GALNT13: variants seen among roughly 807,000 people sequenced by gnomAD.
GALNT13 encodes UDP-GalNAc:polypeptide N-acetylgalactosaminyltransferase 13.
Under a neutral mutation model 64.2 loss-of-function variants are expected in GALNT13, and 28 were observed. That is an observed-to-expected ratio of 0.44 (90% CI 0.32 to 0.60). GALNT13 has a LOEUF of 0.60. GALNT13 is among the 20% of genes least tolerant of loss of function. The probability of loss-of-function intolerance (pLI) is 0.05; values close to 1 mark genes in which losing one functional copy is unlikely to be tolerated. For synonymous variants in GALNT13, 214 were observed against 224.6 expected (o/e 0.95, Z 0.42); for missense variants, 577 against 669.8 (o/e 0.86, Z 1.53).
the GALNT13 span, among the ~76,000 whole-genome samples, chr2:153,438,659 C>T: frequency 6.6e-6 from 1 of 152,170 alleles, no homozygotes; most frequent in African/African-American, 2.4e-5. Flanking sequence ...GTTCTCGTGC[C>T]ATGGTTTTCA....
In GALNT13 at chr2:154,354,964, G is replaced by C. The variant is rs920987980; in HGVS notation, c.1157-41027G>C. Among the ~76,000 whole-genome samples, 10 of 152,004 alleles carry C rather than the reference G, an allele frequency of 6.6e-5. No individual in the cohort carries two copies. The East Asian group carries it at 1.9e-3, about 29-fold the overall frequency. ...TAACTTTCTACCTGACTGGATTTCT[G>C]CCATTGCCTGCCATAACCCTTCCCA... On this transcript the variant is annotated intron_variant, in intron 9 of 12. Coordinates refer to ENST00000392825, the MANE Select transcript of GALNT13 (RefSeq NM_052917.4).
chr2:153,610,959 A>C, the GALNT13 span, among the ~76,000 whole-genome samples: 1 of 152,208 alleles, frequency 6.6e-6, no homozygotes, highest in Non-Finnish European at 1.5e-5. Context: ...ATTAAAATAA[A>C]GGTAAAATTA....
chr2:154,201,706 A>G (rs1045166395), intron 4 of GALNT13, among the ~76,000 whole-genome samples: 2 of 152,030 alleles, frequency 1.3e-5, no homozygotes, highest in Non-Finnish European at 2.9e-5. Flanking sequence ...TTTTGTTTTG[A>G]TAATGGTAAG....
the GALNT13 span, among the ~76,000 whole-genome samples, chr2:153,377,399 T>A: frequency 2.0e-5 from 3 of 152,034 alleles, no homozygotes; most frequent in Non-Finnish European, 1.5e-5. Flanking sequence ...GTGGTGGTGC[T>A]AGGGGGTGGG....
the GALNT13 span, among the ~76,000 whole-genome samples, chr2:153,105,965 A>C: frequency 6.6e-6 from 1 of 152,066 alleles, no homozygotes; most frequent in African/African-American, 2.4e-5. Flanking sequence ...TGTTGCTTTC[A>C]GTGATTAACC....
the GALNT13 span, among the ~76,000 whole-genome samples, chr2:153,473,045 G>A: frequency 6.6e-6 from 1 of 152,040 alleles, no homozygotes; most frequent in Non-Finnish European, 1.5e-5. Context: ...CGGGTGGGGG[G>A]CTAGGGGAGG....
intron 1 of GALNT13, among the ~76,000 whole-genome samples, chr2:153,883,604 G>A (rs1266523888): frequency 6.6e-6 from 1 of 152,072 alleles, no homozygotes; most frequent in Non-Finnish European, 1.5e-5. Flanking sequence ...AAGTAGTCCA[G>A]GAAGGTGAAC....
intron 4 of GALNT13, among the ~76,000 whole-genome samples, chr2:154,141,403 A>G (rs534694798): frequency 1.3e-5 from 2 of 152,280 alleles, no homozygotes; most frequent in African/African-American, 4.8e-5. Flanking sequence ...AGCATACTAT[A>G]CAGCTGTAAA....
chr2:154,156,593 A>G (rs1306403782), intron 4 of GALNT13, among the ~76,000 whole-genome samples: 9 of 152,186 alleles, frequency 5.9e-5, no homozygotes, highest in East Asian at 5.8e-4. Context: ...ATTTGTTTAT[A>G]GATTAGGAAA....
At chr2:153,933,006 T>C (rs1181174540) in intron 2 of GALNT13, among the ~76,000 whole-genome samples, 1 of 152,204 alleles carries the variant, frequency 6.6e-6, no homozygotes. Flanking sequence ...TTCAGCTTTT[T>C]TAAAAATTTG....
At chr2:153,168,383 T>G in the GALNT13 span, among the ~76,000 whole-genome samples, 1 of 152,340 alleles carries the variant, frequency 6.6e-6, no homozygotes, top group East Asian at 1.9e-4. Context: ...GTTTTTATAT[T>G]TTTTATTTTC....
chr2:153,632,878 A>T, the GALNT13 span, among the ~76,000 whole-genome samples: 1 of 151,896 alleles, frequency 6.6e-6, no homozygotes, highest in Admixed American at 6.6e-5. Flanking sequence ...TCAGCTTCCC[A>T]AGTAGCTGGG....
chr2:154,150,482 T>G (rs907452231), intron 4 of GALNT13, among the ~76,000 whole-genome samples: 1 of 152,270 alleles, frequency 6.6e-6, no homozygotes, highest in Non-Finnish European at 1.5e-5. Flanking sequence ...GTCTGTTGAT[T>G]GGAATAGTTT....
At chr2:153,842,889 G>T in the GALNT13 span, among the ~76,000 whole-genome samples, 5 of 152,020 alleles carry the variant, frequency 3.3e-5, no homozygotes, top group African/African-American at 1.2e-4. Context: ...CAAGAAACTG[G>T]CCCATATAAA....
chr2:153,236,199 A>G, the GALNT13 span, among the ~76,000 whole-genome samples: 1 of 152,182 alleles, frequency 6.6e-6, no homozygotes, highest in Admixed American at 6.5e-5. Flanking sequence ...AGGTTGGTTC[A>G]TGAAGTTAAG....
intron 3 of GALNT13, among the ~76,000 whole-genome samples, chr2:153,983,251 A>C (rs922990019): frequency 6.6e-6 from 1 of 151,900 alleles, no homozygotes; most frequent in Non-Finnish European, 1.5e-5. Context: ...AGAATTTTCA[A>C]AGAAATCTGA....
the GALNT13 span, among the ~76,000 whole-genome samples, chr2:153,666,199 G>A: frequency 6.6e-6 from 1 of 152,038 alleles, no homozygotes; most frequent in African/African-American, 2.4e-5. Flanking sequence ...AGCTTCTGCA[G>A]GTGGGCCCTC....
At chr2:154,211,994 T>C (rs1048722250) in intron 4 of GALNT13, among the ~76,000 whole-genome samples, 5 of 152,074 alleles carry the variant, frequency 3.3e-5, no homozygotes, top group African/African-American at 9.7e-5. Flanking sequence ...CTGTGAGATA[T>C]GTACCAAAGA....
the GALNT13 span, among the ~76,000 whole-genome samples, chr2:153,678,640 C>A: frequency 6.6e-6 from 1 of 151,660 alleles, no homozygotes; most frequent in Admixed American, 6.6e-5. Flanking sequence ...ACTCAGGTAA[C>A]AAACCTACAC....
Sources: gnomAD v4.1 joint callset for allele counts (sites outside exome capture counted in the v4.1 genomes callset) on GRCh38, gnomAD v4.1.1 for gene constraint, MANE v1.5 for transcripts, NCBI Gene and HGNC (gene_info 2026-07-23, HGNC 2026-07-21) for gene names.